The following EDIL3 variants were observed in gnomAD, a reference collection of about 807,000 sequenced individuals.
EDIL3 encodes the protein EGF-like repeat and discoidin I-like domain-containing protein 3.
A neutral mutation model predicts 67.4 loss-of-function variants in EDIL3; 37 were observed. The observed-to-expected ratio is 0.55, with a 90% CI of 0.42 to 0.72. The LOEUF is 0.72. Ranked by LOEUF, EDIL3 falls within the 30% of genes least tolerant of loss-of-function variation. The pLI is 0.00. For synonymous variants in EDIL3, 195 were observed against 196.3 expected, an observed-to-expected ratio of 0.99 and a Z score of 0.05; for missense variants, 527 against 586.3, an observed-to-expected ratio of 0.90 and a Z score of 1.04.
intron 9 of EDIL3, among the ~76,000 whole-genome samples, chr5:84,026,809 T>C (rs1745823928): frequency 3.9e-5 from 6 of 152,144 alleles, no homozygotes; most frequent in Admixed American, 3.9e-4. Context: ...AGGCTCAAAA[T>C]GTCTCATGTA....
intron 1 of EDIL3, among the ~76,000 whole-genome samples, chr5:84,254,764 C>T (rs1373609148): frequency 6.6e-6 from 1 of 152,136 alleles, no homozygotes; most frequent in Non-Finnish European, 1.5e-5. Context: ...TGAATTCAGG[C>T]TAGCTTGCTT....
intron 6 of EDIL3, among the ~76,000 whole-genome samples, chr5:84,090,712 T>G (rs968536119): frequency 6.6e-6 from 1 of 151,264 alleles, no homozygotes; most frequent in Non-Finnish European, 1.5e-5. Context: ...CTTTGGGAGG[T>G]CGAGGTGGGT....
intron 9 of EDIL3, among the ~76,000 whole-genome samples, chr5:83,997,613 C>A (rs1745257244): frequency 6.6e-6 from 1 of 152,018 alleles, no homozygotes. Context: ...TAACCGTTTA[C>A]TACATAAGTC....
At chr5:84,193,350 T>C (rs1245392890) in intron 3 of EDIL3, among the ~76,000 whole-genome samples, 1 of 151,954 alleles carries the variant, frequency 6.6e-6, no homozygotes, top group South Asian at 2.1e-4. Flanking sequence ...AAGACTATTC[T>C]GTTTCTAGAT....
At chr5:84,274,486 CA>C (rs1472599498) in intron 1 of EDIL3, among the ~76,000 whole-genome samples, 1 of 152,016 alleles carries the variant, frequency 6.6e-6, no homozygotes, top group Non-Finnish European at 1.5e-5. Flanking sequence ...CCAATTTTCA[CA>C]AATATTGAGA....
At chr5:84,111,625 A>T (rs1368678308) in intron 5 of EDIL3, among the ~76,000 whole-genome samples, 1 of 152,212 alleles carries the variant, frequency 6.6e-6, no homozygotes, top group Non-Finnish European at 1.5e-5. Flanking sequence ...TAATAAACAA[A>T]CACTTAAACA....
chr5:84,011,161 A>G (rs1745510304), intron 9 of EDIL3, among the ~76,000 whole-genome samples: 1 of 152,124 alleles, frequency 6.6e-6, no homozygotes, highest in Non-Finnish European at 1.5e-5. Flanking sequence ...ATGACATTTC[A>G]CATTATCTGT....
chr5:84,367,502 C>T (rs897366176), intron 1 of EDIL3, among the ~76,000 whole-genome samples: 7 of 152,160 alleles, frequency 4.6e-5, no homozygotes, highest in African/African-American at 7.2e-5. Context: ...GGAATCTGAG[C>T]TAGGAGCGGT....
intron 1 of EDIL3, among the ~76,000 whole-genome samples, chr5:84,314,623 A>G (rs569861971): frequency 1.3e-4 from 20 of 152,284 alleles, no homozygotes; most frequent in African/African-American, 4.6e-4. Context: ...TCCTTCCAAA[A>G]CACGTTGAAG....
chr5:84,318,562 T>C (rs1017154737), intron 1 of EDIL3, among the ~76,000 whole-genome samples: 2 of 152,156 alleles, frequency 1.3e-5, no homozygotes, highest in African/African-American at 2.4e-5. Context: ...GCAGGAAAGA[T>C]TCCCTATTTA....
intron 9 of EDIL3, among the ~76,000 whole-genome samples, chr5:84,057,331 A>G (rs762323224): frequency 3.6e-4 from 55 of 152,280 alleles, no homozygotes; most frequent in Non-Finnish European, 7.2e-4. Context: ...TTCCAAAGAA[A>G]TATGCCATTT....
chr5:84,348,011 T>C (rs943301324), intron 1 of EDIL3, among the ~76,000 whole-genome samples: 11 of 152,094 alleles, frequency 7.2e-5, no homozygotes, highest in African/African-American at 2.7e-4. Flanking sequence ...TTCCAGGTAC[T>C]GGAAGCAATG....
At chr5:84,160,032 C>T (rs1748575234) in intron 4 of EDIL3, among the ~76,000 whole-genome samples, 1 of 151,982 alleles carries the variant, frequency 6.6e-6, no homozygotes, top group Non-Finnish European at 1.5e-5. Context: ...TCTTTTCAGG[C>T]CAATTGTGGA....
chr5:84,108,035 G>A (rs1380218716), intron 5 of EDIL3, among the ~76,000 whole-genome samples: 1 of 151,210 alleles, frequency 6.6e-6, no homozygotes, highest in Non-Finnish European at 1.5e-5. Flanking sequence ...CTAAATATCA[G>A]TATATGAAAG....
At chr5:83,988,986 T>C (rs1431596361) in intron 9 of EDIL3, among the ~76,000 whole-genome samples, 1 of 152,216 alleles carries the variant, frequency 6.6e-6, no homozygotes, top group Non-Finnish European at 1.5e-5. Flanking sequence ...GTAGTATTTT[T>C]ACACCATTGA....
At chr5:84,266,502 G>C (rs894308855) in intron 1 of EDIL3, among the ~76,000 whole-genome samples, 7 of 152,132 alleles carry the variant, frequency 4.6e-5, no homozygotes, top group African/African-American at 7.2e-5. Context: ...GGTGGTATGC[G>C]TGCAGTTTAG....
At chr5:83,974,745 T>C (rs1744851178) in intron 9 of EDIL3, among the ~76,000 whole-genome samples, 1 of 151,988 alleles carries the variant, frequency 6.6e-6, no homozygotes, top group Admixed American at 6.6e-5. Flanking sequence ...AATCAACATG[T>C]TTTATCTACT....
rs1259614138 is a variant in EDIL3, at chr5:84,176,314, A to AAT, written c.355+4077_355+4078dup. On this transcript the variant is annotated intron_variant, in intron 4 of 10. Coordinates refer to ENST00000296591, the MANE Select transcript of EDIL3 (RefSeq NM_005711.5). ...ATAAAATATATTTCCATATATATAT[A>AAT]ATATATATATATTAGGGAGCCTTTT... Among the ~76,000 whole-genome samples, 113 of 140,302 alleles carry AAT rather than the reference A, an allele frequency of 8.1e-4. 1 individual carries two copies. The highest frequency in any genetic ancestry group is 7.2e-3 in the Middle Eastern group (2 of 278). 92.0% of individuals were successfully genotyped at this position (140,302 alleles called of 152,430 possible).
At chr5:84,265,566 C>T (rs1020404188) in intron 1 of EDIL3, among the ~76,000 whole-genome samples, 8 of 152,126 alleles carry the variant, frequency 5.3e-5, no homozygotes, top group Non-Finnish European at 8.8e-5. Flanking sequence ...AACGTTTTCA[C>T]ATGAAGACAA....
Sources: gnomAD v4.1 joint callset for allele counts (sites outside exome capture counted in the v4.1 genomes callset) on GRCh38, gnomAD v4.1.1 for gene constraint, MANE v1.5 for transcripts, NCBI Gene and HGNC (gene_info 2026-07-23, HGNC 2026-07-21) for gene names.